ZC3H4: variants seen among roughly 807,000 people sequenced by gnomAD.
ZC3H4 encodes the protein zinc finger CCCH domain-containing protein 4.
A neutral mutation model predicts 108.3 loss-of-function variants in ZC3H4; 13 were observed. The ratio of observed to expected loss-of-function variants is 0.12; its 90% confidence interval spans 0.08 to 0.19. The LOEUF (loss-of-function observed/expected upper bound fraction) is 0.19, where lower values mean the gene tolerates loss of function less well. Ranked by LOEUF, ZC3H4 falls within the 10% of genes least tolerant of loss-of-function variation. The pLI is 1.00. For missense variants in ZC3H4, 1,734 were observed against 1,838.8 expected, an observed-to-expected ratio of 0.94 and a Z score of 1.04; for synonymous variants, 917 against 749.6, an observed-to-expected ratio of 1.22 and a Z score of -3.65.
chr19:47,107,167 G>C (rs2057977980), intron 2 of ZC3H4, among the ~76,000 whole-genome samples: 3 of 152,188 alleles, frequency 2.0e-5, no homozygotes. Context: ...TTGGCTCCCT[G>C]CAATTAAATA....
chr19:47,099,025 G>C (rs1310763033), intron 2 of ZC3H4, among the ~76,000 whole-genome samples: 5 of 152,088 alleles, frequency 3.3e-5, no homozygotes, highest in Non-Finnish European at 7.4e-5. Flanking sequence ...GAAATAATAG[G>C]GATAAAGCCC....
In ZC3H4 at chr19:47,086,652, T is replaced by TCTCCTC. The variant is rs535318899; in HGVS notation, c.716-120_716-115dup. The TCTCCTC allele has an allele frequency of 5.9e-4, 810 of 1,383,412 alleles. 1 individual carries two copies. The highest frequency in any genetic ancestry group is 7.2e-4 in the Non-Finnish European group (763 of 1,066,986). The allele number at this position is 1,383,412 out of a possible 1,614,324, so 85.7% of individuals were successfully genotyped here. The stretch of plus-strand genomic sequence containing the variant: ...ATCACTTCAGCTGCCTCCTCCTCCT[T>TCTCCTC]CTCCTCCTCCTCCTCCTCCAAGAAG... On this transcript the variant is annotated intron_variant, in intron 5 of 14. Transcript: ENST00000253048.
chr19:47,084,156 T>G (rs2122867307), intron 9 of ZC3H4, among the ~76,000 whole-genome samples, 189 bp downstream of exon 9: 1 of 152,276 alleles, frequency 6.6e-6, no homozygotes, highest in South Asian at 2.1e-4. Flanking sequence ...GGGGTCCTCC[T>G]CACTCTGAAA....
rs1202986318 is a variant in ZC3H4, at chr19:47,067,165, T to G, written c.3103A>C (p.Thr1035Pro). The part of the protein sequence containing the change: ...QRPGASTDSS[T>P]QGANLPDFEL... ...AAGTCGGGGAGGTTGGCGCCCTGTGTGCTGGAATCCGTGGAGGCGCCCGGG... is the reference window on the plus strand; with the variant it reads ...AAGTCGGGGAGGTTGGCGCCCTGTGGGCTGGAATCCGTGGAGGCGCCCGGG... The change falls in exon 15 of 15, where the codon ACA becomes CCA. Residue 1035 changes from threonine (T) to proline (P), a missense_variant. Physicochemically the swap from Thr to Pro is conservative, Grantham distance 38. Transcript: ENST00000253048. This position sits in a 1 kb window ranked among gnomAD's most constrained non-coding sequence, Gnocchi z 6.4. 1.9e-6 allele frequency: 3 copies of G among 1,611,618 alleles called. No homozygotes were observed. Among genetic ancestry groups the G allele is most frequent in the Non-Finnish European group, 2.5e-6 (3 of 1,178,812 alleles).
chr19:47,085,078 T>C lies in ZC3H4; in HGVS notation c.1085A>G (p.Asp362Gly). 1 of 1,614,188 alleles carries C rather than the reference T, an allele frequency of 6.2e-7. No individual in the cohort carries two copies. The highest frequency in any genetic ancestry group is 8.5e-7 in the Non-Finnish European group (1 of 1,180,022). ...CACGCCCATGTCCTCGTCATAGAAG[T>C]CTTCGTCATCGTTCATTCCGCCCTT... is the stretch of plus-strand genomic sequence containing the variant. The part of the protein sequence containing the change: ...MNKGGMNDDE[D>G]FYDEDMGDGG... Residue 362 changes from aspartate to glycine, a missense_variant, in exon 8 of 15, where the codon GAC becomes GGC. By Grantham distance (94) the Asp-to-Gly change is moderately conservative. Coordinates refer to ENST00000253048, the MANE Select transcript of ZC3H4 (RefSeq NM_015168.2).
chr19:47,069,050 CGGCCTGG>C, intron 14 of ZC3H4, 35 bp downstream of exon 14: 1 of 1,600,362 alleles, frequency 6.2e-7, no homozygotes, highest in Non-Finnish European at 8.5e-7. Flanking sequence ...CCCTGCACAG[CGGCCTGG>C]GGCCTGTGCC....
rs762038050 is a variant in ZC3H4 at position 47,072,408 on chromosome 19, G to A, written c.1746C>T (p.Ser582=). The A allele has an allele frequency of 6.2e-7, 1 of 1,613,314 alleles. No individual in the cohort carries two copies. The highest frequency in any genetic ancestry group is 2.2e-5 in the East Asian group (1 of 44,820). The stretch of plus-strand genomic sequence containing the variant: ...TGGGCCGCACCACGATCTCAAACAA[G>A]GAGGGGATCTTCTTGTTGTACATGT... ...QQDMYNKKIP[S]LFEIVVRPTG... Residue 582 remains serine, a synonymous_variant, in exon 12 of 15, where the codon TCC becomes TCT. Transcript: ENST00000253048. The surrounding 1 kb of genome is among the most constrained non-coding windows in gnomAD (Gnocchi z 5.6).
chr19:47,096,031 C>T (rs1310896829), intron 2 of ZC3H4, among the ~76,000 whole-genome samples: 1 of 152,204 alleles, frequency 6.6e-6, no homozygotes, highest in Admixed American at 6.5e-5. Flanking sequence ...CTCCTCCTCC[C>T]AGGACCCTCC....
Position 47,066,103 on chromosome 19 carries a change from C to G in ZC3H4, c.*253G>C, listed in dbSNP as rs917534282. ...TGGCGAAAGTTCACAGGTTTGCGGG[C>G]ATGAGTCGGTTTGCTCAGCAGGAGC... On this transcript the variant is annotated 3_prime_UTR_variant, in exon 15 of 15. Coordinates refer to ENST00000253048, the MANE Select transcript of ZC3H4 (RefSeq NM_015168.2). 2 of 356,352 alleles carry G rather than the reference C, an allele frequency of 5.6e-6. No homozygotes were observed. The highest frequency in any genetic ancestry group is 1.0e-5 in the Non-Finnish European group (2 of 198,364). The allele number at this position is 356,352 out of a possible 1,614,324, so 22.1% of individuals were successfully genotyped here. A position where few individuals can be genotyped will look rare whatever the true frequency, so the allele number is the denominator to read the frequency against.
Position 47,066,356 on chromosome 19 carries a change from C to CT in ZC3H4, c.3911dup (p.Ter1304=). 6.5e-7 allele frequency: 1 copy of CT among 1,539,852 alleles called. No homozygotes were observed. Among genetic ancestry groups the CT allele is most frequent in the Non-Finnish European group, 8.7e-7 (1 of 1,144,678 alleles). The change falls in exon 15 of 15, where the codon TAG becomes TAAG. Residue 1304 remains the stop codon, a frameshift_variant and stop_retained_variant. Transcript: ENST00000253048. LOFTEE classifies it high-confidence loss of function. ...CTGGAGCCGCAGCTCTGGCTGGACA[C>CT]TACTGGCAAAAGGGGGAGGCCGTGG... ...FDPTASPFCQ[*] is the part of the protein sequence containing the mutation.
intron 9 of ZC3H4, 92 bp from the exon 10 acceptor site, chr19:47,082,387 T>C (rs908580485): frequency 2.1e-6 from 2 of 950,084 alleles, no homozygotes; most frequent in Non-Finnish European, 3.4e-6. Flanking sequence ...TCACTGCTGG[T>C]GCATGGAGGG....
intron 2 of ZC3H4, among the ~76,000 whole-genome samples, chr19:47,107,775 C>A (rs1041355485): frequency 7.2e-5 from 11 of 152,128 alleles, no homozygotes; most frequent in Admixed American, 6.5e-4. Context: ...TGCCAGAAAT[C>A]TATTTAAAAT....
intron 2 of ZC3H4, among the ~76,000 whole-genome samples, chr19:47,104,789 A>G (rs1309782359): frequency 6.6e-6 from 1 of 152,114 alleles, no homozygotes; most frequent in Non-Finnish European, 1.5e-5. Flanking sequence ...TCCCAAGGAA[A>G]CCTAAGCCCT....
At chr19:47,078,711 T>C (rs1041201633) in intron 11 of ZC3H4, among the ~76,000 whole-genome samples, 54 of 150,652 alleles carry the variant, frequency 3.6e-4, no homozygotes, top group Admixed American at 3.5e-3. Context: ...AATACAAAAC[T>C]CAGCTGGGCA....
At chr19:47,097,504 C>T (rs1054721574) in intron 2 of ZC3H4, among the ~76,000 whole-genome samples, 3 of 152,206 alleles carry the variant, frequency 2.0e-5, no homozygotes, top group East Asian at 1.9e-4. Context: ...CCTAGCTAAA[C>T]GTCCTGCGTG....
chr19:47,066,094 G>C lies in ZC3H4; in HGVS notation c.*262C>G. ...GCCAGGCACTGGCGAAAGTTCACAGGTTTGCGGGCATGAGTCGGTTTGCTC... is the reference window on the plus strand; with the variant it reads ...GCCAGGCACTGGCGAAAGTTCACAGCTTTGCGGGCATGAGTCGGTTTGCTC... On this transcript the variant is annotated 3_prime_UTR_variant, in exon 15 of 15. Transcript: ENST00000253048. 5.8e-6 allele frequency: 2 copies of C among 343,288 alleles called. No individual in the cohort carries two copies. The highest frequency in any genetic ancestry group is 1.1e-5 in the Non-Finnish European group (2 of 190,008). The allele number at this position is 343,288 out of a possible 1,614,324, so 21.3% of individuals were successfully genotyped here.
In ZC3H4 at chr19:47,084,436, T is replaced by A. The variant is rs1374200976; in HGVS notation, c.1127A>T (p.Tyr376Phe). 1 of 1,614,038 alleles carries A rather than the reference T, an allele frequency of 6.2e-7. No individual in the cohort carries two copies. Among genetic ancestry groups the A allele is most frequent in the Non-Finnish European group, 8.5e-7 (1 of 1,180,036 alleles). ...GGGCTTGTCATGGTCACGACTCCGG[T>A]AGCTTCCACCACCACCGTCCTGCAA... ...EDMGDGGGGSYRSRDHDKPHQ... is the reference protein window; with the variant it reads ...EDMGDGGGGSFRSRDHDKPHQ... Residue 376 changes from tyrosine to phenylalanine, a missense_variant, in exon 9 of 15, where the codon TAC becomes TTC. Tyr to Phe is a conservative substitution (Grantham distance 22, BLOSUM62 3). This residue lies in a region of ZC3H4 where 403 missense variants were observed against 457.0 expected (regional missense o/e 0.88). Transcript: ENST00000253048.
rs780918822 is a variant in ZC3H4, at chr19:47,067,908, G to C, written c.2399-39C>G. On this transcript the variant is annotated intron_variant, in intron 14 of 14. Transcript: ENST00000253048. The surrounding 1 kb of genome is among the most constrained non-coding windows in gnomAD (Gnocchi z 6.4). The stretch of plus-strand genomic sequence containing the variant: ...GAGGAGCAGGGAGGGGTGAGTGGGC[G>C]CATCCACCACCCGCCCTCTTGGATC... 1 of 1,530,054 alleles carries C rather than the reference G, an allele frequency of 6.5e-7. No individual in the cohort carries two copies. Among genetic ancestry groups the C allele is most frequent in the South Asian group, 1.2e-5 (1 of 84,220 alleles). The allele number at this position is 1,530,054 out of a possible 1,614,324, so 94.8% of individuals were successfully genotyped here.
In ZC3H4 at chr19:47,066,338, C is replaced by A. The variant is rs775976670; in HGVS notation, c.*18G>T. On this transcript the variant is annotated 3_prime_UTR_variant, in exon 15 of 15. Coordinates refer to ENST00000253048, the MANE Select transcript of ZC3H4 (RefSeq NM_015168.2). The stretch of plus-strand genomic sequence containing the variant: ...CCACCCTAGGAAGGGTGGCTGGAGC[C>A]GCAGCTCTGGCTGGACACTACTGGC... The A allele has an allele frequency of 3.3e-6, 5 of 1,493,722 alleles. No homozygotes were observed. Among genetic ancestry groups the A allele is most frequent in the Non-Finnish European group, 4.5e-6 (5 of 1,120,942 alleles). 92.5% of individuals were successfully genotyped at this position (1,493,722 alleles called of 1,614,324 possible).
Sources: gnomAD v4.1 joint callset for allele counts (sites outside exome capture counted in the v4.1 genomes callset) on GRCh38, gnomAD v4.1.1 for gene constraint, gnomAD v4.1.1 regional missense constraint, Gnocchi (gnomAD v3.1) non-coding constraint, MANE v1.5 for transcripts, NCBI Gene and HGNC (gene_info 2026-07-23, HGNC 2026-07-21) for gene names.